The following GRAMD4 variants were observed in gnomAD, a reference collection of about 807,000 sequenced individuals.
GRAMD4 encodes the protein GRAM domain containing 4.
In GRAMD4, 25 loss-of-function variants were observed where a neutral mutation model predicts 83.9. That is an observed-to-expected ratio of 0.30 (90% CI 0.22 to 0.42). GRAMD4 has a LOEUF of 0.42. Among genes scored for constraint, GRAMD4 ranks in the 10% least tolerant of loss-of-function variants. GRAMD4 has a pLI of 1.00. For synonymous variants in GRAMD4, 336 were observed against 320.9 expected, an observed-to-expected ratio of 1.05 and a Z score of -0.50; for missense variants, 593 against 788.7, an observed-to-expected ratio of 0.75 and a Z score of 2.97.
In GRAMD4 at chr22:46,671,625, C is replaced by T. The variant is rs1167426691; in HGVS notation, c.1085-1218C>T. ...GAGCCAAGATCATGTTGCTGCACTC[C>T]TGCCTGGGCGACAGAGCAAGACTCC... is the stretch of plus-strand genomic sequence containing the variant. On this transcript the variant is annotated intron_variant, in intron 13 of 18. Transcript: ENST00000406902. Among the ~76,000 whole-genome samples, 3 of 151,914 alleles carry T rather than the reference C, an allele frequency of 2.0e-5. No individual in the cohort carries two copies. The East Asian group carries it at 5.8e-4, about 29-fold the overall frequency.
intron 1 of GRAMD4, among the ~76,000 whole-genome samples, chr22:46,577,486 G>T (rs1180149179): frequency 2.7e-5 from 4 of 150,320 alleles, no homozygotes; most frequent in Admixed American, 6.6e-5. Context: ...CCCGGGTCCC[G>T]CGCGTCACGG....
intron 13 of GRAMD4, chr22:46,670,962 C>T (rs2082493615): frequency 6.5e-6 from 2 of 308,626 alleles, no homozygotes; most frequent in Non-Finnish European, 1.5e-5. Flanking sequence ...ACCCTGAGAT[C>T]ACCACTGCCA....
Position 46,677,219 on chromosome 22 carries a change from A to G in GRAMD4, c.1705A>G (p.Thr569Ala), listed in dbSNP as rs1601694688. 6.2e-7 allele frequency: 1 copy of G among 1,612,974 alleles called. No individual in the cohort carries two copies. Among genetic ancestry groups the G allele is most frequent in the African/African-American group, 1.3e-5 (1 of 74,716 alleles). Residue 569 changes from threonine to alanine, a missense_variant, in exon 19 of 19, where the codon ACC (threonine) becomes GCC (alanine). Around this residue, in one of 4 missense-constraint regions of GRAMD4, gnomAD observed 74 missense variants for 152.7 expected, o/e 0.48. Transcript: ENST00000406902. The part of the protein sequence containing the change: ...ETILSQYIKI[T>A]SAAASGGDS ...CATTCTCAGCCAGTACATCAAGATC[A>G]CCTCAGCGGCAGCGTCTGGCGGGGA...
At chr22:46,673,161 CG>C (rs1273204362) in intron 14 of GRAMD4, among the ~76,000 whole-genome samples, 164 bp downstream of exon 14, 1 of 152,006 alleles carries the variant, frequency 6.6e-6, no homozygotes, top group African/African-American at 2.4e-5. Flanking sequence ...GTTACCACTG[CG>C]GTTTCTGAGG....
intron 6 of GRAMD4, 138 bp from the exon 7 acceptor site, chr22:46,663,700 A>T: frequency 1.2e-6 from 1 of 811,734 alleles, no homozygotes; most frequent in Non-Finnish European, 2.1e-6. Flanking sequence ...GTGCATGGCC[A>T]TTCTGTGCAC....
chr22:46,643,049 A>T (rs1257775819), intron 3 of GRAMD4, among the ~76,000 whole-genome samples: 1 of 151,770 alleles, frequency 6.6e-6, no homozygotes. Flanking sequence ...CCATCCGTCC[A>T]TCCACCCACC....
In GRAMD4 at chr22:46,658,319, T is replaced by C. The variant is rs773851005; in HGVS notation, c.404+12T>C. 1.3e-6 allele frequency: 2 copies of C among 1,596,918 alleles called. No individual in the cohort carries two copies. Among genetic ancestry groups the C allele is most frequent in the Non-Finnish European group, 1.7e-6 (2 of 1,173,708 alleles). On this transcript the variant is annotated intron_variant, in intron 4 of 18. Coordinates refer to ENST00000406902, the MANE Select transcript of GRAMD4 (RefSeq NM_015124.5). Reference sequence around the variant, plus strand: ...GTGCTGAAGGCCAGGTACCGCGCCTTCCTCGGGGCCCTGGCCTGTGTGCGG... The same window carrying C: ...GTGCTGAAGGCCAGGTACCGCGCCTCCCTCGGGGCCCTGGCCTGTGTGCGG...
chr22:46,594,779 G>A (rs971808953), intron 1 of GRAMD4, among the ~76,000 whole-genome samples: 2 of 150,200 alleles, frequency 1.3e-5, no homozygotes, highest in African/African-American at 4.9e-5. Context: ...GAGGGTTGGT[G>A]CCCTGCAAAC....
At position 46,673,452 on chromosome 22, in the gene GRAMD4, G is replaced by A. The variant is rs13054124; in HGVS notation, c.1240-218G>A. Among the ~76,000 whole-genome samples, 11,165 of 152,330 alleles carry A rather than the reference G, an allele frequency of 0.073. 524 individuals are homozygous for A. Among genetic ancestry groups the A allele is most frequent in the African/African-American group, 0.13 (5,594 of 41,570 alleles). On this transcript the variant is annotated intron_variant, in intron 14 of 18. Coordinates refer to ENST00000406902, the MANE Select transcript of GRAMD4 (RefSeq NM_015124.5). ...ATGAGCAGGCCTCGGTGCTCCCTTC[G>A]GGGTGGCTCAGATGAGTCAGGAGGG...
At chr22:46,644,809 T>A (rs2082049088) in intron 3 of GRAMD4, among the ~76,000 whole-genome samples, 1 of 146,082 alleles carries the variant, frequency 6.8e-6, no homozygotes, top group Admixed American at 7.0e-5. Context: ...CCTGGCTCAC[T>A]GCAGCCTCAA....
In GRAMD4 at chr22:46,595,826, G is replaced by A. The variant is rs150984036; in HGVS notation, c.-50+18536G>A. On this transcript the variant is annotated intron_variant, in intron 1 of 1. Coordinates refer to the GRAMD4 transcript ENST00000431155. ...TCTGACAGGTGCCAGGGTGAAACAC[G>A]ACTTGTCCAGATCCCCGGCCTTAAC... is the stretch of plus-strand genomic sequence containing the variant. 3.1e-3 allele frequency among the ~76,000 whole-genome samples: 471 copies of A among 152,356 alleles called. 1 individual carries two copies. The highest frequency in any genetic ancestry group is 0.011 in the African/African-American group (455 of 41,586).
chr22:46,627,036 C>T (rs1387928698), intron 2 of GRAMD4, 75 bp downstream of exon 2: 2 of 1,057,262 alleles, frequency 1.9e-6, no homozygotes, highest in African/African-American at 3.1e-5. Context: ...CAAGCGTGGA[C>T]TCAGGCAGAT....
intron 3 of GRAMD4, among the ~76,000 whole-genome samples, chr22:46,639,835 G>T (rs1371908347): frequency 6.6e-6 from 1 of 152,166 alleles, no homozygotes; most frequent in Non-Finnish European, 1.5e-5. Flanking sequence ...GGAGTGACTC[G>T]GTCTCTCCAT....
intron 4 of GRAMD4, 95 bp from the exon 5 acceptor site, chr22:46,661,286 G>T (rs1328942642): frequency 2.3e-6 from 2 of 878,664 alleles, no homozygotes; most frequent in Admixed American, 1.7e-5. Flanking sequence ...CCTCTCCTGT[G>T]CAGTACACGG....
intron 1 of GRAMD4, among the ~76,000 whole-genome samples, chr22:46,614,297 G>T (rs2081447790): frequency 6.6e-6 from 1 of 152,072 alleles, no homozygotes; most frequent in South Asian, 2.1e-4. Context: ...GCCACTCGGG[G>T]CCTCACTTCT....
At chr22:46,673,905 C>G in intron 15 of GRAMD4, 91 bp downstream of exon 15, 1 of 1,417,722 alleles carries the variant, frequency 7.1e-7, no homozygotes, top group Non-Finnish European at 9.8e-7. Flanking sequence ...ACGGGGTCGC[C>G]CTGTGACAGG....
At chr22:46,643,467 C>A (rs1052887774) in intron 3 of GRAMD4, among the ~76,000 whole-genome samples, 5 of 152,194 alleles carry the variant, frequency 3.3e-5, no homozygotes, top group Non-Finnish European at 7.3e-5. Context: ...CAAGGATATT[C>A]TCTTATCTAA....
intron 3 of GRAMD4, among the ~76,000 whole-genome samples, chr22:46,643,520 A>G (rs971961001): frequency 1.3e-5 from 2 of 152,204 alleles, no homozygotes; most frequent in Non-Finnish European, 2.9e-5. Flanking sequence ...CATTGATACA[A>G]TGCTATTATT....
chr22:46,675,356 C>A, intron 16 of GRAMD4, 112 bp from the exon 17 acceptor site: 1 of 750,988 alleles, frequency 1.3e-6, no homozygotes. Context: ...GGGAAGGGAG[C>A]ACCACTGTCC....
Sources: gnomAD v4.1 joint callset for allele counts (sites outside exome capture counted in the v4.1 genomes callset) on GRCh38, gnomAD v4.1.1 for gene constraint, gnomAD v4.1.1 regional missense constraint, MANE v1.5 for transcripts, NCBI Gene and HGNC (gene_info 2026-07-23, HGNC 2026-07-21) for gene names.